The following WASL variants were observed in gnomAD, a reference collection of about 807,000 sequenced individuals.
WASL encodes the protein WASP like actin nucleation promoting factor, also known as actin nucleation-promoting factor WASL.
Under a neutral mutation model 55.5 loss-of-function variants are expected in WASL, and 20 were observed. That is an observed-to-expected ratio of 0.36 (90% CI 0.25 to 0.52). The LOEUF is 0.52. Ranked by LOEUF, WASL falls within the 20% of genes least tolerant of loss-of-function variation. WASL has a pLI of 0.92. For synonymous variants in WASL, 249 were observed against 217.6 expected, an observed-to-expected ratio of 1.14 and a Z score of -1.27; for missense variants, 504 against 622.5, an observed-to-expected ratio of 0.81 and a Z score of 2.03.
chr7:123,747,624 G>A (rs569157264), intron 1 of WASL, among the ~76,000 whole-genome samples: 6 of 152,126 alleles, frequency 3.9e-5, no homozygotes, highest in Non-Finnish European at 5.9e-5. Flanking sequence ...GGGTTCCAGT[G>A]GCACATACTC....
At chr7:123,729,529 C>CA (rs1393633694) in intron 1 of WASL, among the ~76,000 whole-genome samples, 2 of 152,140 alleles carry the variant, frequency 1.3e-5, no homozygotes, top group Non-Finnish European at 2.9e-5. Flanking sequence ...TAGATTACTC[C>CA]AAACTGTTCC....
At chr7:123,743,529 C>A (rs1804382488) in intron 1 of WASL, among the ~76,000 whole-genome samples, 2 of 152,150 alleles carry the variant, frequency 1.3e-5, no homozygotes, top group Admixed American at 1.3e-4. Flanking sequence ...TTTTAATTTA[C>A]ACACCTATAA....
chr7:123,692,664 G>T lies in WASL; in HGVS notation c.1030C>A (p.Pro344Thr). 2 of 1,553,766 alleles carry T rather than the reference G, an allele frequency of 1.3e-6. No homozygotes were observed. Among genetic ancestry groups the T allele is most frequent in the Non-Finnish European group, 1.7e-6 (2 of 1,154,174 alleles). Reference sequence around the variant, plus strand: ...GAGGGAAGGGCTGGAGGTGGAGGAGGGTACATCCTATTTGGCGGTGGTGGA... The same window carrying T: ...GAGGGAAGGGCTGGAGGTGGAGGAGTGTACATCCTATTTGGCGGTGGTGGA... ...VPPPPPNRMY[P>T]PPPPALPSSA... Residue 344 changes from proline (P) to threonine (T), a missense_variant, in exon 9 of 11, where the codon CCT becomes ACT. Pro to Thr is a conservative substitution (Grantham distance 38). Coordinates refer to ENST00000223023, the MANE Select transcript of WASL (RefSeq NM_003941.4).
intron 10 of WASL, among the ~76,000 whole-genome samples, chr7:123,687,302 C>T (rs1169848508): frequency 6.6e-6 from 1 of 152,134 alleles, no homozygotes; most frequent in Non-Finnish European, 1.5e-5. Flanking sequence ...AATGGCTTCC[C>T]ATCATATGCA....
intron 10 of WASL, among the ~76,000 whole-genome samples, chr7:123,685,883 T>A (rs1014186508): frequency 6.8e-5 from 10 of 147,802 alleles, no homozygotes; most frequent in South Asian, 2.1e-4. Flanking sequence ...TAAATATATA[T>A]AAATATGTAT....
intron 2 of WASL, among the ~76,000 whole-genome samples, chr7:123,708,309 C>G (rs1021742516): frequency 3.3e-5 from 5 of 152,056 alleles, no homozygotes; most frequent in African/African-American, 1.2e-4. Context: ...AAAGCTGAGA[C>G]CAGAGGTGTA....
chr7:123,715,844 G>C (rs941322068), intron 1 of WASL, among the ~76,000 whole-genome samples: 1 of 152,122 alleles, frequency 6.6e-6, no homozygotes, highest in Non-Finnish European at 1.5e-5. Flanking sequence ...ATCAAAATTA[G>C]ATGTTAAAAC....
intron 1 of WASL, among the ~76,000 whole-genome samples, chr7:123,719,076 C>T (rs1803893174): frequency 6.6e-6 from 1 of 152,214 alleles, no homozygotes; most frequent in South Asian, 2.1e-4. Flanking sequence ...GTCACATCAT[C>T]TCTTTTTAAG....
chr7:123,700,174 TCAAAAAAA>T (rs1452259672), intron 5 of WASL, among the ~76,000 whole-genome samples: 1 of 23,532 alleles, frequency 4.2e-5, no homozygotes, highest in African/African-American at 2.6e-4. Context: ...AAACTCCGTC[TCAAAAAAA>T]AAAAAAAAAA....
chr7:123,706,709 A>G, intron 3 of WASL, 31 bp downstream of exon 3: 1 of 1,445,226 alleles, frequency 6.9e-7, no homozygotes, highest in South Asian at 1.3e-5. Flanking sequence ...TGAAAAAAGT[A>G]AAGATGGCAA....
At chr7:123,718,366 T>A (rs1351088723) in intron 1 of WASL, among the ~76,000 whole-genome samples, 3 of 152,172 alleles carry the variant, frequency 2.0e-5, no homozygotes, top group Admixed American at 2.0e-4. Flanking sequence ...AACAACTATC[T>A]AAGCGAATAT....
rs751598781 is a variant in WASL at position 123,696,666 on chromosome 7, T to C, written c.542A>G (p.Asn181Ser). Residue 181 changes from asparagine to serine, a missense_variant, in exon 6 of 11, where the codon AAC (asparagine) becomes AGC (serine). By Grantham distance (46) the Asn-to-Ser change is conservative. Around this residue, in one of 5 missense-constraint regions of WASL, gnomAD observed 230 missense variants for 271.9 expected, o/e 0.85. Transcript: ENST00000223023. ...TNRFYGPQVN[N>S]ISHTKEKKKG... ...CTTCTTTTCTTTGGTATGGGAGATGTTGTTGACTTGTGGACCATAAAATCT... is the reference window on the plus strand; with the variant it reads ...CTTCTTTTCTTTGGTATGGGAGATGCTGTTGACTTGTGGACCATAAAATCT... The C allele has an allele frequency of 1.2e-6, 2 of 1,608,586 alleles. No individual in the cohort carries two copies. The highest frequency in any genetic ancestry group is 1.7e-4 in the Middle Eastern group (1 of 6,042).
At chr7:123,714,574 T>C (rs539411106) in intron 1 of WASL, among the ~76,000 whole-genome samples, 2 of 152,310 alleles carry the variant, frequency 1.3e-5, no homozygotes, top group South Asian at 2.1e-4. Context: ...TTTTAGATCT[T>C]AGCTGCTTTT....
At chr7:123,689,018 C>G (rs775325034) in intron 10 of WASL, 24 bp downstream of exon 10, 69 of 1,545,520 alleles carry the variant, frequency 4.5e-5, no homozygotes, top group East Asian at 1.6e-4. Flanking sequence ...CTCTCTCTCT[C>G]TCTCTCTCTC....
At chr7:123,706,406 A>T in intron 3 of WASL, 33 bp from the exon 4 acceptor site, 1 of 1,570,058 alleles carries the variant, frequency 6.4e-7, no homozygotes, top group Non-Finnish European at 8.8e-7. Flanking sequence ...GGGAAACAAC[A>T]GAATGTATGA....
chr7:123,716,910 G>A (rs571963218), intron 1 of WASL, among the ~76,000 whole-genome samples: 1 of 152,138 alleles, frequency 6.6e-6, no homozygotes, highest in South Asian at 2.1e-4. Context: ...ATTTGCCAGA[G>A]GTCACATATT....
chr7:123,704,674 T>C lies in WASL; in HGVS notation c.437-17A>G. 7.1e-7 allele frequency: 1 copy of C among 1,417,192 alleles called. No homozygotes were observed. Among genetic ancestry groups the C allele is most frequent in the East Asian group, 2.4e-5 (1 of 40,886 alleles). The allele number at this position is 1,417,192 out of a possible 1,614,324, so 87.8% of individuals were successfully genotyped here. A position where few individuals can be genotyped will look rare whatever the true frequency, so the allele number is the denominator to read the frequency against. On this transcript the variant is annotated splice_polypyrimidine_tract_variant and intron_variant, in intron 4 of 10. Transcript: ENST00000223023. The stretch of plus-strand genomic sequence containing the variant: ...GTCTTTTCTCTGTTAGAAAATAAAT[T>C]AGAAGAATATTATTAAATATATGTA...
At chr7:123,720,827 G>A (rs981944697) in intron 1 of WASL, among the ~76,000 whole-genome samples, 14 of 151,736 alleles carry the variant, frequency 9.2e-5, no homozygotes, top group African/African-American at 3.4e-4. Flanking sequence ...AAACCATGTG[G>A]ATGTATTGGC....
chr7:123,686,511 A>G (rs557316630), intron 10 of WASL, among the ~76,000 whole-genome samples: 4 of 152,226 alleles, frequency 2.6e-5, no homozygotes, highest in South Asian at 2.1e-4. Context: ...GTTAAAATAA[A>G]TGGGTCTGAA....
Sources: allele counts gnomAD v4.1 joint callset (sites outside exome capture counted in the v4.1 genomes callset), GRCh38; gene constraint gnomAD v4.1.1; regional missense constraint gnomAD v4.1.1; transcripts MANE v1.5; gene names NCBI Gene and HGNC (gene_info 2026-07-23, HGNC 2026-07-21).